BCOR: variants seen among roughly 807,000 people sequenced by gnomAD.
The protein encoded by BCOR is BCL6 corepressor.
Under a neutral mutation model 86.7 loss-of-function variants are expected in BCOR, and 10 were observed. The ratio of observed to expected loss-of-function variants is 0.12; its 90% CI spans 0.07 to 0.20. The LOEUF (loss-of-function observed/expected upper bound fraction) is 0.20. Among genes scored for constraint, BCOR ranks in the 10% least tolerant of loss-of-function variants. BCOR has a pLI of 1.00. For synonymous variants in BCOR, 611 were observed against 609.0 expected, an observed-to-expected ratio of 1.00 and a Z score of -0.05; for missense variants, 1,259 against 1,452.1, an observed-to-expected ratio of 0.87 and a Z score of 2.16.
At chrX:40,106,324 T>C (rs1386968237) in intron 1 of BCOR, among the ~76,000 whole-genome samples, 1 of 112,170 alleles carries the variant, frequency 8.9e-6, no homozygotes. Context: ...CACACAGCGC[T>C]GCAGCGAGGA....
intron 1 of BCOR, among the ~76,000 whole-genome samples, chrX:40,176,020 AAGAC>A (rs1938741913): frequency 8.9e-6 from 1 of 112,376 alleles, no homozygotes; most frequent in Non-Finnish European, 1.9e-5. Flanking sequence ...AGGGACACCA[AAGAC>A]AGGCGTCTTC....
intron 1 of BCOR, among the ~76,000 whole-genome samples, chrX:40,140,450 A>G (rs1241623811): frequency 1.8e-5 from 2 of 111,593 alleles, no homozygotes; most frequent in African/African-American, 6.5e-5. Context: ...AGCAAGAGAT[A>G]GATGGAGACC....
At chrX:40,139,394 C>CAT (rs57283656) in intron 1 of BCOR, among the ~76,000 whole-genome samples, 127 of 4,889 alleles carry the variant, frequency 0.026, 31 homozygotes, top group East Asian at 0.13. Context: ...AATATATATA[C>CAT]ATATATATAT....
intron 1 of BCOR, among the ~76,000 whole-genome samples, chrX:40,144,292 A>G (rs767730493): frequency 3.6e-5 from 4 of 112,468 alleles, no homozygotes; most frequent in African/African-American, 9.7e-5. Context: ...GTGATGATCA[A>G]TCGAAACCTG....
rs189959365 is a variant in BCOR, at chrX:40,152,611, G to A, written c.-41+24396C>T. On this transcript the variant is annotated intron_variant, in intron 1 of 14. Transcript: ENST00000342274. ...CCACGCCGCTTTCTCTCCGGCTACC[G>A]GGCGAGGCTTTTGTGGCCAAGCCTA... Among the ~76,000 whole-genome samples the A allele has an allele frequency of 5.8e-3, 660 of 112,865 alleles. 1 individual carries two copies. The highest frequency in any genetic ancestry group is 0.01 in the Admixed American group (109 of 10,819).
At chrX:40,058,524 C>A (rs1371846037) in intron 10 of BCOR, among the ~76,000 whole-genome samples, 1 of 111,913 alleles carries the variant, frequency 8.9e-6, no homozygotes, top group African/African-American at 3.2e-5. Flanking sequence ...ATTTGAGCCA[C>A]CCATAAACGT....
At chrX:40,064,298 C>T (rs1221507278) in intron 7 of BCOR, 38 bp downstream of exon 7, 1 of 1,211,493 alleles carries the variant, frequency 8.3e-7, no homozygotes. Flanking sequence ...ATGCAAAGGC[C>T]CACCCCCCGG....
chrX:40,140,396 C>T (rs1937896055), intron 1 of BCOR, among the ~76,000 whole-genome samples: 1 of 110,585 alleles, frequency 9.0e-6, no homozygotes, highest in Admixed American at 9.7e-5. Flanking sequence ...CCTGGGAGGT[C>T]GAGGATGCAG....
rs369976545 is a variant in BCOR, at chrX:40,062,368, C to T, written c.4199G>A (p.Arg1400Gln). The T allele has an allele frequency of 3.1e-5, 37 of 1,203,036 alleles. No individual in the cohort carries two copies. The highest frequency in any genetic ancestry group is 2.1e-4 in the African/African-American group (12 of 56,519). Residue 1400 changes from arginine (R) to glutamine (Q), a missense_variant, in exon 10 of 15, where the codon CGG becomes CAG. Arg to Gln is a conservative substitution (Grantham distance 43, BLOSUM62 1). This residue lies in a region of BCOR where 305 missense variants were observed against 286.1 expected (regional missense o/e 1.07). Coordinates refer to ENST00000378444, the MANE Select transcript of BCOR (RefSeq NM_001123385.2). ...ATCATAGTCCGAACTGGGCTCCGGC[C>T]GCTTTCTGAATCTCCGGACAGTCAC... is the stretch of plus-strand genomic sequence containing the variant. ...GKVTVRRFRK[R>Q]PEPSSDYDLS...
At chrX:40,140,954 G>A (rs1301065391) in intron 1 of BCOR, among the ~76,000 whole-genome samples, 1 of 112,961 alleles carries the variant, frequency 8.9e-6, no homozygotes, top group South Asian at 3.6e-4. Flanking sequence ...GTCACCCCTG[G>A]TTCACTCTGA....
intron 1 of BCOR, among the ~76,000 whole-genome samples, chrX:40,164,561 G>A (rs12859884): frequency 0.22 from 24,211 of 110,601 alleles, 4,139 homozygotes; most frequent in African/African-American, 0.59. Context: ...ATTTTCCCTA[G>A]AGGATCTGGG....
intron 10 of BCOR, among the ~76,000 whole-genome samples, chrX:40,057,930 G>A (rs775636625): frequency 8.9e-6 from 1 of 112,029 alleles, no homozygotes; most frequent in Admixed American, 9.4e-5. Context: ...GAGCCTGGGC[G>A]GCAGTGCCTC....
intron 1 of BCOR, among the ~76,000 whole-genome samples, chrX:40,168,766 G>A (rs901109084): frequency 1.8e-5 from 2 of 113,388 alleles, no homozygotes; most frequent in Non-Finnish European, 3.7e-5. Context: ...CTTTCATTAC[G>A]GGGCCTACGA....
rs992694466 is a variant in BCOR, at chrX:40,074,041, G to A, written c.1305C>T (p.Asp435=). 2 of 1,212,068 alleles carry A rather than the reference G, an allele frequency of 1.7e-6. No individual in the cohort carries two copies. The highest frequency in any genetic ancestry group is 2.2e-6 in the Non-Finnish European group (2 of 895,579). ...PLLEKQTVTK[D]VTDKPLDLSS... is the part of the protein sequence containing the mutation. ...ACAAGTCTAGTGGCTTATCTGTGAC[G>A]TCTTTGGTAACGGTCTGCTTCTCCA... Residue 435 remains aspartate, a synonymous_variant, in exon 4 of 15, where the codon GAC becomes GAT. Transcript: ENST00000378444.
chrX:40,116,492 G>A (rs746946909), intron 1 of BCOR, among the ~76,000 whole-genome samples: 1 of 107,743 alleles, frequency 9.3e-6, no homozygotes, highest in African/African-American at 3.4e-5. Context: ...GCAAGACTCT[G>A]TCTCAAAAAA....
intron 10 of BCOR, among the ~76,000 whole-genome samples, chrX:40,061,100 G>T (rs12011354): frequency 8.9e-6 from 1 of 112,412 alleles, no homozygotes; most frequent in Non-Finnish European, 1.9e-5. Flanking sequence ...CCTGTCGCCC[G>T]GGTGCTTCTC....
chrX:40,061,213 A>C (rs975912992), intron 10 of BCOR, among the ~76,000 whole-genome samples: 6 of 112,268 alleles, frequency 5.3e-5, no homozygotes, highest in Admixed American at 4.7e-4. Context: ...GTGGGCTATT[A>C]CATCACTATC....
intron 6 of BCOR, among the ~76,000 whole-genome samples, chrX:40,066,930 C>CT (rs1238057784): frequency 1.0e-5 from 1 of 97,796 alleles, no homozygotes; most frequent in African/African-American, 3.8e-5. Flanking sequence ...CACCCCCCCC[C>CT]CCCCATCAAA....
At position 40,077,974 on chromosome X, in the gene BCOR, TAAAAGGAAAGAA is replaced by T; in HGVS notation, c.-40-17_-40-6del. 2 of 1,105,258 alleles carry T rather than the reference TAAAAGGAAAGAA, an allele frequency of 1.8e-6. No homozygotes were observed. Among genetic ancestry groups the T allele is most frequent in the Non-Finnish European group, 2.5e-6 (2 of 798,405 alleles). The allele number at this position is 1,105,258 out of a possible 1,213,427, so 91.1% of individuals were successfully genotyped here. On this transcript the variant is annotated splice_polypyrimidine_tract_variant and splice_region_variant and intron_variant, in intron 1 of 14. Transcript: ENST00000378444. The stretch of plus-strand genomic sequence containing the variant: ...GCTTTGCTTCAAGCGTCTAGTCTGT[TAAAAGGAAAGAA>T]AAAAAATCCCAGGAGGTTCAGTAAA...
Sources: gnomAD v4.1 joint callset for allele counts (sites outside exome capture counted in the v4.1 genomes callset) on GRCh38, gnomAD v4.1.1 for gene constraint, gnomAD v4.1.1 regional missense constraint, MANE v1.5 for transcripts, NCBI Gene and HGNC (gene_info 2026-07-23, HGNC 2026-07-21) for gene names.